Variants in VASH2 observed in about 807,000 individuals in gnomAD.
VASH2 encodes the protein tubulinyl-Tyr carboxypeptidase 2.
In VASH2, 28 loss-of-function variants were observed where a neutral mutation model predicts 37.2. The observed-to-expected ratio is 0.75, with a 90% CI of 0.56 to 1.03. The LOEUF is 1.03. VASH2 is among the 50% of genes least tolerant of loss of function. The pLI, the probability that VASH2 is intolerant of heterozygous loss-of-function variation, is 0.00. For synonymous variants in VASH2, 188 were observed against 174.7 expected (o/e 1.08, Z -0.60); for missense variants, 419 against 459.1 (o/e 0.91, Z 0.80).
At position 212,988,641 on chromosome 1, in the gene VASH2, C is replaced by A; in HGVS notation, c.*57C>A. The A allele has an allele frequency of 6.5e-7, 1 of 1,545,942 alleles. No homozygotes were observed. Among genetic ancestry groups the A allele is most frequent in the Non-Finnish European group, 8.9e-7 (1 of 1,119,076 alleles). ...GTGGTGCTTCTCTCTGCACTTTACC[C>A]AGCATCTTCAGGAGGAACTGCAACT... On this transcript the variant is annotated 3_prime_UTR_variant, in exon 8 of 8. Coordinates refer to ENST00000517399, the MANE Select transcript of VASH2 (RefSeq NM_001301056.2).
intron 2 of VASH2, among the ~76,000 whole-genome samples, chr1:212,959,851 T>C (rs1470965918): frequency 6.6e-6 from 1 of 152,204 alleles, no homozygotes; most frequent in Non-Finnish European, 1.5e-5. Flanking sequence ...TTGCCCTGTT[T>C]GCTCTGAGGA....
At chr1:212,956,960 A>G (rs1000412874) in intron 2 of VASH2, among the ~76,000 whole-genome samples, 1 of 152,176 alleles carries the variant, frequency 6.6e-6, no homozygotes, top group African/African-American at 2.4e-5. Flanking sequence ...CATCACCACC[A>G]TCCATCTCCA....
chr1:212,958,869 A>C (rs1666577888), intron 2 of VASH2, among the ~76,000 whole-genome samples: 2 of 151,472 alleles, frequency 1.3e-5, no homozygotes, highest in African/African-American at 2.4e-5. Context: ...GTGCATCACC[A>C]TGCTCGGCTA....
intron 3 of VASH2, 25 bp downstream of exon 3, chr1:212,961,279 C>T (rs1228669625): frequency 1.2e-6 from 2 of 1,614,000 alleles, no homozygotes; most frequent in East Asian, 4.5e-5. Flanking sequence ...AAGGTCTGAG[C>T]ACACCCAGCC....
intron 7 of VASH2, among the ~76,000 whole-genome samples, chr1:212,977,571 G>A (rs914912363): frequency 2.6e-5 from 4 of 152,098 alleles, no homozygotes; most frequent in Non-Finnish European, 4.4e-5. Context: ...GCAAAGGAAG[G>A]GGGGACATTA....
At chr1:212,964,344 C>A (rs1391915463) in intron 3 of VASH2, among the ~76,000 whole-genome samples, 1 of 152,198 alleles carries the variant, frequency 6.6e-6, no homozygotes, top group African/African-American at 2.4e-5. Context: ...CACTGTGGGG[C>A]ACCCATTGAC....
chr1:212,964,149 T>A (rs1364406988), intron 3 of VASH2, among the ~76,000 whole-genome samples: 3 of 152,160 alleles, frequency 2.0e-5, no homozygotes, highest in Admixed American at 6.5e-5. Flanking sequence ...TGACTCTGAG[T>A]AGCATCTGGG....
chr1:212,963,586 G>A (rs976246338), intron 3 of VASH2, among the ~76,000 whole-genome samples: 4 of 138,972 alleles, frequency 2.9e-5, no homozygotes, highest in African/African-American at 1.2e-4. Context: ...GTTGCATGGG[G>A]TTCTGGAGAG....
At chr1:212,982,851 T>TAGTC in intron 7 of VASH2, among the ~76,000 whole-genome samples, 2 of 152,316 alleles carry the variant, frequency 1.3e-5, no homozygotes, top group African/African-American at 4.8e-5. Flanking sequence ...GAAGATGACC[T>TAGTC]AGTCCCTTTC....
At chr1:212,958,399 G>T (rs1241638069) in intron 2 of VASH2, among the ~76,000 whole-genome samples, 1 of 152,232 alleles carries the variant, frequency 6.6e-6, no homozygotes, top group Admixed American at 6.5e-5. Context: ...TTACAGCCAG[G>T]CTGAGGTAAC....
chr1:212,966,481 G>T, intron 5 of VASH2, 136 bp downstream of exon 5: 1 of 725,242 alleles, frequency 1.4e-6, no homozygotes, highest in African/African-American at 1.8e-5. Flanking sequence ...AAACTCCTCT[G>T]GTTCATCTCT....
chr1:212,961,157 T>C lies in VASH2; in HGVS notation c.277-9T>C, dbSNP rs768138227. 1.2e-6 allele frequency: 2 copies of C among 1,614,064 alleles called. No individual in the cohort carries two copies. Among genetic ancestry groups the C allele is most frequent in the Non-Finnish European group, 1.7e-6 (2 of 1,179,968 alleles). On this transcript the variant is annotated splice_polypyrimidine_tract_variant and intron_variant, in intron 2 of 7. Transcript: ENST00000517399. ...TCATAAACACCTCCTCTTCTCTATT[T>C]TTCTGCAGCCTTCAATACCCCAGGT...
intron 5 of VASH2, chr1:212,968,531 C>T (rs1666914337): frequency 1.0e-6 from 1 of 985,382 alleles, no homozygotes; most frequent in South Asian, 4.7e-5. Context: ...ACCAGATTGA[C>T]CACAGGTGCC....
chr1:212,979,086 A>T (rs1354609027), intron 7 of VASH2, among the ~76,000 whole-genome samples: 1 of 152,188 alleles, frequency 6.6e-6, no homozygotes, highest in Non-Finnish European at 1.5e-5. Context: ...GTGAGAGGCC[A>T]CAAGCACTGG....
At chr1:212,957,732 T>A (rs1332799784) in intron 2 of VASH2, among the ~76,000 whole-genome samples, 1 of 151,664 alleles carries the variant, frequency 6.6e-6, no homozygotes, top group Non-Finnish European at 1.5e-5. Context: ...TGCCTCAGCC[T>A]GCCAAGTAGC....
At chr1:212,982,905 A>G (rs1035693581) in intron 7 of VASH2, among the ~76,000 whole-genome samples, 2 of 152,224 alleles carry the variant, frequency 1.3e-5, no homozygotes, top group African/African-American at 4.8e-5. Flanking sequence ...CTTAATGAGT[A>G]GGCAGGTTCC....
At chr1:212,974,872 A>G (rs895485031) in intron 7 of VASH2, 1 of 152,240 alleles carries the variant, frequency 6.6e-6, no homozygotes, top group African/African-American at 2.4e-5. Flanking sequence ...AGCTGGGCAC[A>G]TCCTTCCTCC....
At position 212,951,913 on chromosome 1, in the gene VASH2, A is replaced by C; in HGVS notation, c.276+95A>C. 3 of 1,381,770 alleles carry C rather than the reference A, an allele frequency of 2.2e-6. No individual in the cohort carries two copies. Among genetic ancestry groups the C allele is most frequent in the Non-Finnish European group, 1.9e-6 (2 of 1,026,768 alleles). The allele number at this position is 1,381,770 out of a possible 1,614,324, so 85.6% of individuals were successfully genotyped here. On this transcript the variant is annotated intron_variant, in intron 2 of 7. Transcript: ENST00000517399. This position sits in a 1 kb window ranked among gnomAD's most constrained non-coding sequence, Gnocchi z 4.4. Reference sequence around the variant, plus strand: ...TACATAGCAAACACAGGCAATCTCCATTTTCCTAGTCCTGCTACAAACTCC... The same window carrying C: ...TACATAGCAAACACAGGCAATCTCCCTTTTCCTAGTCCTGCTACAAACTCC...
chr1:212,983,205 A>G (rs1159000852), intron 7 of VASH2, among the ~76,000 whole-genome samples: 1 of 152,222 alleles, frequency 6.6e-6, no homozygotes, highest in Non-Finnish European at 1.5e-5. Context: ...TGTAATGATT[A>G]TGAATTGGCA....
Sources: gnomAD v4.1 joint callset for allele counts (sites outside exome capture counted in the v4.1 genomes callset) on GRCh38, gnomAD v4.1.1 for gene constraint, Gnocchi (gnomAD v3.1) non-coding constraint, MANE v1.5 for transcripts, NCBI Gene and HGNC (gene_info 2026-07-23, HGNC 2026-07-21) for gene names.